Variants in KCNH8 observed in about 807,000 individuals in gnomAD.
KCNH8 encodes the protein potassium voltage-gated channel subfamily H member 8.
In KCNH8, 70 loss-of-function variants were observed where a neutral mutation model predicts 103.6. The ratio of observed to expected loss-of-function variants is 0.68; its 90% CI spans 0.56 to 0.82. The LOEUF is 0.82. Among genes scored for constraint, KCNH8 ranks in the 40% least tolerant of loss-of-function variants. The probability of loss-of-function intolerance (pLI) is 0.00; values close to 1 mark genes in which losing one functional copy is unlikely to be tolerated. For missense variants in KCNH8, 1,217 were observed against 1,329.9 expected (o/e 0.92, Z 1.32); for synonymous variants, 498 against 489.4 (o/e 1.02, Z -0.23).
At chr3:19,394,489 G>A (rs372506287) in intron 6 of KCNH8, among the ~76,000 whole-genome samples, 1 of 106,964 alleles carries the variant, frequency 9.3e-6, no homozygotes. Context: ...GAGAGAGAAA[G>A]AGAGAGAGAG....
At chr3:19,379,464 AC>A in intron 5 of KCNH8, among the ~76,000 whole-genome samples, 1 of 152,186 alleles carries the variant, frequency 6.6e-6, no homozygotes, top group East Asian at 1.9e-4. Flanking sequence ...ACATGGTGAA[AC>A]CCCGTCTCTA....
chr3:19,395,385 G>A, intron 7 of KCNH8, 74 bp downstream of exon 7: 2 of 983,192 alleles, frequency 2.0e-6, no homozygotes, highest in South Asian at 2.9e-5. Flanking sequence ...TGGAGGAAGT[G>A]AAAGATAAGT....
chr3:19,294,661 A>G (rs988129501), intron 3 of KCNH8, among the ~76,000 whole-genome samples: 1 of 152,216 alleles, frequency 6.6e-6, no homozygotes, highest in Non-Finnish European at 1.5e-5. Context: ...GTTTCTACAC[A>G]TATTCGCTAA....
At chr3:19,510,002 A>G (rs1264479838) in intron 11 of KCNH8, among the ~76,000 whole-genome samples, 3 of 147,934 alleles carry the variant, frequency 2.0e-5, no homozygotes, top group Admixed American at 6.7e-5. Context: ...GAGATAGAGG[A>G]AAAAAAAAAG....
At chr3:19,518,114 G>GGAGAT (rs1414666207) in intron 15 of KCNH8, 40 bp downstream of exon 15, 3 of 1,495,426 alleles carry the variant, frequency 2.0e-6, no homozygotes, top group Non-Finnish European at 2.8e-6. Context: ...AATGGTAAGA[G>GGAGAT]GAGATATAAA....
chr3:19,378,128 G>T (rs1321839777), intron 5 of KCNH8, among the ~76,000 whole-genome samples: 2 of 152,072 alleles, frequency 1.3e-5, no homozygotes, highest in African/African-American at 4.8e-5. Flanking sequence ...TTAATGGGTG[G>T]CTTGTAATGT....
intron 3 of KCNH8, among the ~76,000 whole-genome samples, chr3:19,285,333 C>A (rs2064816226): frequency 6.6e-6 from 1 of 152,202 alleles, no homozygotes; most frequent in South Asian, 2.1e-4. Context: ...TAAGTCTCAG[C>A]TTAAATCCTT....
intron 1 of KCNH8, among the ~76,000 whole-genome samples, chr3:19,247,613 A>G (rs1349870333): frequency 6.6e-6 from 1 of 152,236 alleles, no homozygotes; most frequent in African/African-American, 2.4e-5. Context: ...TGTCAACAGC[A>G]TATGTTACTA....
At chr3:19,267,350 A>T (rs764648976) in intron 2 of KCNH8, among the ~76,000 whole-genome samples, 2 of 152,060 alleles carry the variant, frequency 1.3e-5, no homozygotes, top group Non-Finnish European at 2.9e-5. Context: ...ATTTTACTCT[A>T]CCTAGAAACT....
chr3:19,417,590 A>G (rs2066883229), intron 7 of KCNH8, among the ~76,000 whole-genome samples: 2 of 152,060 alleles, frequency 1.3e-5, no homozygotes. Flanking sequence ...AATCCTTCAA[A>G]CAGAATTTTT....
At chr3:19,297,551 A>G (rs2065012237) in intron 3 of KCNH8, among the ~76,000 whole-genome samples, 1 of 152,206 alleles carries the variant, frequency 6.6e-6, no homozygotes. Context: ...ACAGTGACAT[A>G]TATTCCTATT....
intron 3 of KCNH8, among the ~76,000 whole-genome samples, chr3:19,331,284 T>G (rs1575532534): frequency 6.9e-6 from 1 of 145,460 alleles, no homozygotes; most frequent in Non-Finnish European, 1.5e-5. Flanking sequence ...TTTATTTATT[T>G]ATTGTTGTTA....
chr3:19,529,151 G>A (rs1196854091), intron 15 of KCNH8, among the ~76,000 whole-genome samples: 1 of 151,928 alleles, frequency 6.6e-6, no homozygotes, highest in East Asian at 1.9e-4. Context: ...AATAAAGTAG[G>A]GTTTGTGAAG....
chr3:19,222,171 A>T (rs2063882992), intron 1 of KCNH8, among the ~76,000 whole-genome samples: 1 of 152,184 alleles, frequency 6.6e-6, no homozygotes, highest in African/African-American at 2.4e-5. Flanking sequence ...TTTATAGAAT[A>T]AGTGGAGTTG....
intron 2 of KCNH8, among the ~76,000 whole-genome samples, chr3:19,274,112 C>T (rs544394747): frequency 2.0e-5 from 3 of 152,050 alleles, no homozygotes; most frequent in Admixed American, 1.3e-4. Flanking sequence ...CAGAATATTA[C>T]ATTAATAGTA....
At chr3:19,382,807 T>G (rs2066306219) in intron 5 of KCNH8, among the ~76,000 whole-genome samples, 1 of 152,060 alleles carries the variant, frequency 6.6e-6, no homozygotes. Flanking sequence ...GGCTAGGGTG[T>G]GCTACAGTAA....
intron 1 of KCNH8, among the ~76,000 whole-genome samples, chr3:19,157,351 C>A (rs370200845): frequency 6.6e-6 from 1 of 151,962 alleles, no homozygotes; most frequent in Non-Finnish European, 1.5e-5. Context: ...GGGTATTGGG[C>A]CTGGGGCAAT....
intron 14 of KCNH8, 94 bp from the exon 15 acceptor site, chr3:19,517,904 T>C (rs181348462): frequency 1.6e-5 from 16 of 969,882 alleles, no homozygotes; most frequent in Non-Finnish European, 2.6e-5. Context: ...TTAAAAGTGA[T>C]AGCGTGGACT....
chr3:19,358,038 A>G (rs1338022594), intron 5 of KCNH8, among the ~76,000 whole-genome samples: 1 of 151,930 alleles, frequency 6.6e-6, no homozygotes, highest in Non-Finnish European at 1.5e-5. Context: ...GAGAAAATTT[A>G]CTTACCAAGG....
Sources: allele counts gnomAD v4.1 joint callset (sites outside exome capture counted in the v4.1 genomes callset), GRCh38; gene constraint gnomAD v4.1.1; transcripts MANE v1.5; gene names NCBI Gene and HGNC (gene_info 2026-07-23, HGNC 2026-07-21).